Variants in CYP2J2 observed in about 807,000 individuals in gnomAD.
CYP2J2 encodes the protein cytochrome P450 2J2.
CYP2J2 carries 41 observed loss-of-function variants against 48.8 expected under a neutral mutation model. The ratio of observed to expected loss-of-function variants is 0.84; its 90% CI spans 0.66 to 1.09. CYP2J2 has a LOEUF of 1.09. Ranked by LOEUF, CYP2J2 falls within the 50% of genes least tolerant of loss-of-function variation. The probability of loss-of-function intolerance (pLI) is 0.00; values close to 1 mark genes in which losing one functional copy is unlikely to be tolerated. For missense variants in CYP2J2, 644 were observed against 617.3 expected, an observed-to-expected ratio of 1.04 and a Z score of -0.46; for synonymous variants, 221 against 227.1, an observed-to-expected ratio of 0.97 and a Z score of 0.24.
At chr1:59,904,743 G>A (rs1415519896) in intron 7 of CYP2J2, 128 bp downstream of exon 7, 1 of 764,740 alleles carries the variant, frequency 1.3e-6, no homozygotes, top group Non-Finnish European at 2.0e-6. Flanking sequence ...AGAAAATCTA[G>A]TATTATATCA....
At chr1:59,899,975 G>A (rs894642125) in intron 8 of CYP2J2, among the ~76,000 whole-genome samples, 2 of 152,154 alleles carry the variant, frequency 1.3e-5, no homozygotes, top group Non-Finnish European at 2.9e-5. Flanking sequence ...AAGAAGTTTT[G>A]TTATTGATTG....
chr1:59,895,106 A>G (rs149508336), intron 8 of CYP2J2, among the ~76,000 whole-genome samples: 100 of 152,356 alleles, frequency 6.6e-4, no homozygotes, highest in African/African-American at 2.3e-3. Flanking sequence ...CAACCATCCA[A>G]GCCAGGAAAT....
chr1:59,919,465 C>T (rs1310199404), intron 1 of CYP2J2, among the ~76,000 whole-genome samples: 1 of 152,152 alleles, frequency 6.6e-6, no homozygotes, highest in Non-Finnish European at 1.5e-5. Flanking sequence ...ACAGTGGTGG[C>T]AGGATAGGCA....
the CYP2J2 span, among the ~76,000 whole-genome samples, chr1:59,937,089 C>T: frequency 2.0e-5 from 3 of 152,184 alleles, no homozygotes; most frequent in Non-Finnish European, 4.4e-5. Context: ...GTCCTGCCAC[C>T]AGACAGGTGG....
chr1:59,916,065 C>A lies in CYP2J2; in HGVS notation c.246G>T (p.Glu82Asp), dbSNP rs1205416342. Residue 82 changes from glutamate to aspartate, a missense_variant, in exon 2 of 9, where the codon GAG becomes GAT. Coordinates refer to ENST00000371204, the MANE Select transcript of CYP2J2 (RefSeq NM_000775.4). ...VKKYGNLFSL[E>D]LGDISAVLIT... ...TAAGAACTGCAGATATGTCACCAAG[C>A]TCCAAGCTAAAAAGGTTCCCATATT... 1 of 1,612,490 alleles carries A rather than the reference C, an allele frequency of 6.2e-7. No individual in the cohort carries two copies. The highest frequency in any genetic ancestry group is 8.5e-7 in the Non-Finnish European group (1 of 1,179,406).
At chr1:59,923,250 A>G (rs559366140) in intron 1 of CYP2J2, among the ~76,000 whole-genome samples, 82 of 152,336 alleles carry the variant, frequency 5.4e-4, no homozygotes, top group African/African-American at 1.9e-3. Context: ...AGTGGAGTAG[A>G]CCAGAATAGC....
intron 1 of CYP2J2, among the ~76,000 whole-genome samples, chr1:59,916,388 G>A (rs2114189): frequency 0.038 from 5,764 of 152,246 alleles, 366 homozygotes; most frequent in African/African-American, 0.13. Flanking sequence ...AACTGAGTGA[G>A]CATCTATCAT....
the CYP2J2 span, among the ~76,000 whole-genome samples, chr1:59,942,148 A>C: frequency 1.3e-5 from 2 of 152,180 alleles, no homozygotes; most frequent in African/African-American, 2.4e-5. Context: ...ATAAACCAAT[A>C]AACCAAAAAT....
intron 1 of CYP2J2, among the ~76,000 whole-genome samples, chr1:59,922,631 A>T (rs931713877): frequency 6.6e-6 from 1 of 152,174 alleles, no homozygotes; most frequent in African/African-American, 2.4e-5. Context: ...CACCTATCTT[A>T]GGAATACAAC....
At chr1:59,929,842 T>G (rs1378622318), upstream of CYP2J2, among the ~76,000 whole-genome samples, 1 of 152,122 alleles carries the variant, frequency 6.6e-6, no homozygotes, top group African/African-American at 2.4e-5. Flanking sequence ...AGCAGAAACA[T>G]ATTTGAAGAA....
intron 1 of CYP2J2, among the ~76,000 whole-genome samples, chr1:59,926,163 T>C (rs1328841484): frequency 2.6e-5 from 4 of 152,154 alleles, no homozygotes; most frequent in African/African-American, 7.2e-5. Context: ...ATGATCAAGA[T>C]TGAGGTAGTA....
the CYP2J2 span, among the ~76,000 whole-genome samples, chr1:59,953,531 T>TGCGTGC: frequency 6.6e-6 from 1 of 152,052 alleles, no homozygotes; most frequent in Admixed American, 6.6e-5. Flanking sequence ...TGTGTATGTG[T>TGCGTGC]GCGTGCTTAT....
the CYP2J2 span, among the ~76,000 whole-genome samples, chr1:59,963,172 AATTTTTT>A: frequency 2.2e-4 from 34 of 152,328 alleles, no homozygotes; most frequent in Middle Eastern, 6.8e-3. Flanking sequence ...TTACATTCTT[AATTTTTT>A]AAGTTATGGG....
At chr1:59,907,360 C>T (rs768722855) in intron 6 of CYP2J2, among the ~76,000 whole-genome samples, 1 of 152,080 alleles carries the variant, frequency 6.6e-6, no homozygotes, top group African/African-American at 2.4e-5. Flanking sequence ...AGGGTAGGTG[C>T]GGCCAAGGCT....
At chr1:59,965,320 A>G in the CYP2J2 span, among the ~76,000 whole-genome samples, 6 of 152,232 alleles carry the variant, frequency 3.9e-5, no homozygotes, top group Non-Finnish European at 8.8e-5. Context: ...TATAGCTGGT[A>G]TATAAAGCCC....
intron 1 of CYP2J2, among the ~76,000 whole-genome samples, chr1:59,916,796 G>T (rs1012558042): frequency 6.6e-6 from 1 of 151,940 alleles, no homozygotes; most frequent in South Asian, 2.1e-4. Context: ...TGAATAGAGA[G>T]AATTCAGCAC....
intron 7 of CYP2J2, 75 bp from the exon 8 acceptor site, chr1:59,901,178 T>G: frequency 6.6e-7 from 1 of 1,512,914 alleles, no homozygotes; most frequent in Non-Finnish European, 9.1e-7. Context: ...GTGGTCATCC[T>G]CCGGCTTCCT....
Position 59,893,823 on chromosome 1 carries a change from C to T in CYP2J2, c.1337G>A (p.Arg446Gln), listed in dbSNP as rs1030112791. Residue 446 changes from arginine (R) to glutamine (Q), a missense_variant, in exon 9 of 9, where the codon CGG becomes CAG. Physicochemically the swap from Arg to Gln is conservative, Grantham distance 43 (BLOSUM62 1). Coordinates refer to ENST00000371204, the MANE Select transcript of CYP2J2 (RefSeq NM_000775.4). ...GGCCAACTGTTCTCCGAGGCATGCC[C>T]GCTTTCCTGTAAGACAAAATCAAAA... ...EAFMPFSIGK[R>Q]ACLGEQLART... The T allele has an allele frequency of 1.5e-5, 24 of 1,600,010 alleles. No homozygotes were observed. The highest frequency in any genetic ancestry group is 2.2e-5 in the East Asian group (1 of 44,624).
chr1:59,928,108 G>A (rs1644584035), upstream of CYP2J2, among the ~76,000 whole-genome samples: 1 of 152,080 alleles, frequency 6.6e-6, no homozygotes, highest in Non-Finnish European at 1.5e-5. Flanking sequence ...TTAATAGATG[G>A]ATAGTATTCT....
Sources: gnomAD v4.1 joint callset for allele counts (sites outside exome capture counted in the v4.1 genomes callset) on GRCh38, gnomAD v4.1.1 for gene constraint, MANE v1.5 for transcripts, NCBI Gene and HGNC (gene_info 2026-07-23, HGNC 2026-07-21) for gene names.